The following COL14A1 variants were observed in gnomAD, a reference collection of about 807,000 sequenced individuals.
COL14A1 encodes collagen type XIV alpha 1 chain, also known as collagen alpha-1(XIV) chain.
COL14A1 carries 136 observed loss-of-function variants against 230.3 expected under a neutral mutation model. The ratio of observed to expected loss-of-function variants is 0.59; its 90% CI spans 0.51 to 0.68. The LOEUF is 0.68. Among genes scored for constraint, COL14A1 ranks in the 30% least tolerant of loss-of-function variants. The pLI, the probability that COL14A1 is intolerant of heterozygous loss-of-function variation, is 0.00. For synonymous variants in COL14A1, 792 were observed against 784.1 expected (o/e 1.01, Z -0.17); for missense variants, 1,976 against 2,215.8 (o/e 0.89, Z 2.17).
intron 13 of COL14A1, among the ~76,000 whole-genome samples, chr8:120,212,809 C>T (rs527815380): frequency 8.5e-5 from 13 of 152,120 alleles, no homozygotes; most frequent in African/African-American, 3.1e-4. Flanking sequence ...CCACCTATGT[C>T]TTTCTTTGTC....
At chr8:120,332,380 T>C (rs574365433) in intron 41 of COL14A1, among the ~76,000 whole-genome samples, 186 bp downstream of exon 41, 1 of 152,378 alleles carries the variant, frequency 6.6e-6, no homozygotes, top group South Asian at 2.1e-4. Context: ...GCCCAATTAT[T>C]CTATCTCTGA....
Position 120,226,747 on chromosome 8 carries a change from A to AT in COL14A1, c.1986dup (p.Gly663TrpfsTer5), listed in dbSNP as rs866396070. 3 of 1,613,718 alleles carry AT rather than the reference A, an allele frequency of 1.9e-6. No individual in the cohort carries two copies. Among genetic ancestry groups the AT allele is most frequent in the Admixed American group, 1.7e-5 (1 of 59,998 alleles). On this transcript the variant is annotated frameshift_variant, in exon 16 of 48. Coordinates refer to ENST00000297848, the MANE Select transcript of COL14A1 (RefSeq NM_021110.4). LOFTEE classifies it high-confidence loss of function. ...CACAAATTGATGTGGATTCCAGTCTATGGGGGGAAGACTGAGGAGGTGAGT... is the reference window on the plus strand; with the variant it reads ...CACAAATTGATGTGGATTCCAGTCTATTGGGGGGAAGACTGAGGAGGTGAGT...
chr8:120,160,171 C>T (rs1815616610), intron 3 of COL14A1, among the ~76,000 whole-genome samples: 1 of 151,826 alleles, frequency 6.6e-6, no homozygotes, highest in African/African-American at 2.4e-5. Flanking sequence ...TATGAAATTT[C>T]TTTGATTTTT....
rs192656817 is a variant in COL14A1 at position 120,308,093 on chromosome 8, T to C, written c.4402-1916T>C. Among the ~76,000 whole-genome samples the C allele has an allele frequency of 8.1e-3, 1,228 of 152,334 alleles. 18 individuals are homozygous for C. Among genetic ancestry groups the C allele is most frequent in the African/African-American group, 0.027 (1,137 of 41,578 alleles). On this transcript the variant is annotated intron_variant, in intron 36 of 47. Transcript: ENST00000297848. ...GCCTCCTGGGTTTAAGCGATTCTCC[T>C]GCCTCAACCTCCCAAATAGCTGGGA...
chr8:120,341,165 G>A (rs557618597), intron 42 of COL14A1, among the ~76,000 whole-genome samples, 160 bp from the exon 43 acceptor site: 19 of 152,178 alleles, frequency 1.2e-4, no homozygotes, highest in South Asian at 4.1e-4. Flanking sequence ...TTTGGTGTGC[G>A]TACTGGTTGC....
intron 20 of COL14A1, among the ~76,000 whole-genome samples, chr8:120,246,264 C>T (rs1025609787): frequency 6.6e-6 from 1 of 152,080 alleles, no homozygotes; most frequent in Non-Finnish European, 1.5e-5. Context: ...TCCCACCAAG[C>T]CTGCACATTT....
intron 32 of COL14A1, 105 bp downstream of exon 32, chr8:120,283,883 T>C (rs1028011977): frequency 1.2e-6 from 1 of 830,500 alleles, no homozygotes; most frequent in Non-Finnish European, 1.8e-6. Flanking sequence ...TCACTAATCT[T>C]ATGTGATGTG....
intron 22 of COL14A1, among the ~76,000 whole-genome samples, chr8:120,251,562 ACAATAATG>A (rs1818952116): frequency 6.6e-6 from 1 of 152,164 alleles, no homozygotes; most frequent in South Asian, 2.1e-4. Flanking sequence ...AGACACCCAC[ACAATAATG>A]CAATGTTTTC....
intron 40 of COL14A1, among the ~76,000 whole-genome samples, chr8:120,317,004 T>C (rs1373145209): frequency 6.6e-6 from 1 of 152,170 alleles, no homozygotes; most frequent in Non-Finnish European, 1.5e-5. Flanking sequence ...AACTTTAACA[T>C]GAAGGCAATA....
intron 14 of COL14A1, among the ~76,000 whole-genome samples, chr8:120,224,023 C>CTTT (rs962510256): frequency 1.7e-4 from 13 of 78,266 alleles, no homozygotes; most frequent in African/African-American, 4.1e-4. Context: ...CCCTCATCTC[C>CTTT]TTTTTTTTTT....
chr8:120,226,604 A>C (rs1818103765), intron 15 of COL14A1, 23 bp from the exon 16 acceptor site: 1 of 1,611,206 alleles, frequency 6.2e-7, no homozygotes, highest in Non-Finnish European at 8.5e-7. Context: ...TTCCCTAACA[A>C]AACCTCCTTC....
chr8:120,364,633 A>G (rs1195628453), intron 45 of COL14A1, among the ~76,000 whole-genome samples: 2 of 152,202 alleles, frequency 1.3e-5, no homozygotes, highest in Non-Finnish European at 2.9e-5. Context: ...CTGTAATCCC[A>G]GCACTTTGGA....
chr8:120,163,513 C>T (rs1815761737), intron 4 of COL14A1, among the ~76,000 whole-genome samples: 1 of 152,138 alleles, frequency 6.6e-6, no homozygotes, highest in Non-Finnish European at 1.5e-5. Flanking sequence ...CCTGTAATCC[C>T]AGCACTTTGG....
chr8:120,168,865 G>A lies in COL14A1; in HGVS notation c.436+618G>A, dbSNP rs111345150. On this transcript the variant is annotated intron_variant, in intron 5 of 47. Transcript: ENST00000297848. The stretch of plus-strand genomic sequence containing the variant: ...TTTATTGATTAGTCCCCCCAACCCC[G>A]TTTTTTTTGAGGCAGGATCTCACTC... Among the ~76,000 whole-genome samples the A allele has an allele frequency of 8.3e-3, 1,253 of 151,478 alleles. 23 individuals carry two copies. The highest frequency in any genetic ancestry group is 0.029 in the African/African-American group (1,201 of 41,282).
At chr8:120,280,868 A>G in intron 30 of COL14A1, 53 bp from the exon 31 acceptor site, 1 of 1,498,976 alleles carries the variant, frequency 6.7e-7, no homozygotes, top group South Asian at 1.3e-5. Context: ...TTAAAATTCT[A>G]AAGTGCCATA....
rs760344397 is a variant in COL14A1 at position 120,371,202 on chromosome 8, G to A, written c.5362G>A (p.Ala1788Thr). The A allele has an allele frequency of 3.1e-6, 5 of 1,611,674 alleles. No homozygotes were observed. The South Asian group carries it at 5.5e-5, about 18-fold the overall frequency. Residue 1788 changes from alanine to threonine, a missense_variant, in exon 48 of 48, where the codon GCC (alanine) becomes ACC (threonine). Transcript: ENST00000297848. ...EFTPVQDELE[A>T]MELWGPGV ...CACCCCTGTCCAAGATGAGCTGGAAGCCATGGAACTGTGGGGCCCTGGAGT... is the reference window on the plus strand; with the variant it reads ...CACCCCTGTCCAAGATGAGCTGGAAACCATGGAACTGTGGGGCCCTGGAGT...
intron 23 of COL14A1, among the ~76,000 whole-genome samples, chr8:120,255,830 C>G (rs939492063): frequency 6.6e-6 from 1 of 151,234 alleles, no homozygotes; most frequent in South Asian, 2.1e-4. Context: ...AACCCTCATT[C>G]CAGAGATTTA....
chr8:120,360,725 G>A (rs911993987), intron 45 of COL14A1, among the ~76,000 whole-genome samples: 35 of 152,246 alleles, frequency 2.3e-4, no homozygotes, highest in African/African-American at 8.4e-4. Context: ...CCTACTCCAT[G>A]ACGACCTGCT....
intron 3 of COL14A1, among the ~76,000 whole-genome samples, chr8:120,159,900 C>T (rs974453918): frequency 6.6e-6 from 1 of 152,122 alleles, no homozygotes; most frequent in Non-Finnish European, 1.5e-5. Flanking sequence ...CCATGTTGGC[C>T]AGACTAGTCT....
Sources: allele counts gnomAD v4.1 joint callset (sites outside exome capture counted in the v4.1 genomes callset), GRCh38; gene constraint gnomAD v4.1.1; transcripts MANE v1.5; gene names NCBI Gene and HGNC (gene_info 2026-07-23, HGNC 2026-07-21).